GAP43: variants seen among roughly 807,000 people sequenced by gnomAD.
GAP43 encodes the protein growth associated protein 43.
In GAP43, 6 loss-of-function variants were observed where a neutral mutation model predicts 18.6. The ratio of observed to expected loss-of-function variants is 0.32; its 90% CI spans 0.18 to 0.64. The LOEUF is 0.64. Among genes scored for constraint, GAP43 ranks in the 30% least tolerant of loss-of-function variants. The pLI, the probability that GAP43 is intolerant of heterozygous loss-of-function variation, is 0.78. For synonymous variants in GAP43, 115 were observed against 111.4 expected, an observed-to-expected ratio of 1.03 and a Z score of -0.20; for missense variants, 292 against 295.5, an observed-to-expected ratio of 0.99 and a Z score of 0.09.
At chr3:115,699,868 C>G (rs1428187086) in intron 2 of GAP43, among the ~76,000 whole-genome samples, 1 of 152,078 alleles carries the variant, frequency 6.6e-6, no homozygotes, top group Admixed American at 6.6e-5. Flanking sequence ...GCTGATGGCA[C>G]TGGGTTGAGG....
At chr3:115,646,388 C>G (rs932653904) in intron 1 of GAP43, among the ~76,000 whole-genome samples, 1 of 152,066 alleles carries the variant, frequency 6.6e-6, no homozygotes, top group Admixed American at 6.6e-5. Flanking sequence ...CAGAAAGGCT[C>G]AATTAACCAG....
Position 115,720,799 on chromosome 3 carries a change from G to A in GAP43, c.634G>A (p.Val212Ile), listed in dbSNP as rs1709566814. ...TATCTTGTTTTCTTTCTCAGAAGCT[G>A]TAGATGAAACCAAACCTAAGGAAAG... ...SSQAEENIEA[V>I]DETKPKESAR... is the part of the protein sequence containing the mutation. The change falls in exon 3 of 3, where the codon GTA becomes ATA. Residue 212 changes from valine (V) to isoleucine (I), a missense_variant. By Grantham distance (29) the Val-to-Ile change is conservative. Coordinates refer to ENST00000305124, the MANE Select transcript of GAP43 (RefSeq NM_002045.4). The A allele has an allele frequency of 2.5e-6, 4 of 1,611,948 alleles. No homozygotes were observed. The highest frequency in any genetic ancestry group is 2.2e-5 in the East Asian group (1 of 44,820).
At chr3:115,706,180 CA>C (rs3836329) in intron 2 of GAP43, among the ~76,000 whole-genome samples, 67,905 of 151,810 alleles carry the variant, frequency 0.45, 15,786 homozygotes, top group African/African-American at 0.56. Context: ...AACTTTCTCA[CA>C]AAAAAAGCTG....
intron 2 of GAP43, among the ~76,000 whole-genome samples, chr3:115,712,941 G>A (rs1385576299): frequency 6.6e-6 from 1 of 152,114 alleles, no homozygotes; most frequent in Admixed American, 6.6e-5. Flanking sequence ...GAAGAAATGG[G>A]GGCAGAGATG....
At chr3:115,657,864 G>T (rs1708608009) in intron 1 of GAP43, among the ~76,000 whole-genome samples, 1 of 152,134 alleles carries the variant, frequency 6.6e-6, no homozygotes, top group African/African-American at 2.4e-5. Flanking sequence ...AGCCAAAAAT[G>T]TTTATTTTGA....
intron 2 of GAP43, among the ~76,000 whole-genome samples, chr3:115,716,656 A>C (rs1423169261): frequency 6.9e-6 from 1 of 145,354 alleles, no homozygotes; most frequent in African/African-American, 2.5e-5. Flanking sequence ...GCTTAAAACA[A>C]AGCAAATATT....
chr3:115,712,943 G>A lies in GAP43; in HGVS notation c.629-7851G>A, dbSNP rs189051236. Among the ~76,000 whole-genome samples the A allele has an allele frequency of 1.1e-3, 169 of 152,240 alleles. No individual in the cohort carries two copies. The Middle Eastern group carries it at 0.021, about 19-fold the overall frequency. On this transcript the variant is annotated intron_variant, in intron 2 of 2. Coordinates refer to ENST00000305124, the MANE Select transcript of GAP43 (RefSeq NM_002045.4). The stretch of plus-strand genomic sequence containing the variant: ...CTTGGAAAGTAAGGAAGAAATGGGG[G>A]CAGAGATGTTACTTGCATAATTCTC...
At chr3:115,687,466 T>C (rs1709049000) in intron 2 of GAP43, among the ~76,000 whole-genome samples, 1 of 152,202 alleles carries the variant, frequency 6.6e-6, no homozygotes, top group African/African-American at 2.4e-5. Flanking sequence ...TAATTTTAGT[T>C]CCACTGGTAT....
At chr3:115,688,532 C>G (rs1288423983) in intron 2 of GAP43, among the ~76,000 whole-genome samples, 1 of 152,178 alleles carries the variant, frequency 6.6e-6, no homozygotes, top group Non-Finnish European at 1.5e-5. Flanking sequence ...AAATCAGTCT[C>G]AAAAATTCTA....
At chr3:115,652,356 CTTTTTTTTTTTT>C (rs71141831) in intron 1 of GAP43, among the ~76,000 whole-genome samples, 10 of 43,770 alleles carry the variant, frequency 2.3e-4, no homozygotes, top group South Asian at 1.3e-3. Flanking sequence ...ATCCAGCATT[CTTTTTTTTTTTT>C]TTTTTTTTTT....
At chr3:115,704,440 G>A (rs1440675010) in intron 2 of GAP43, among the ~76,000 whole-genome samples, 1 of 151,982 alleles carries the variant, frequency 6.6e-6, no homozygotes, top group African/African-American at 2.4e-5. Flanking sequence ...TAATTTTAGA[G>A]GTCTCCACTT....
At chr3:115,685,218 C>T (rs1409650834) in intron 2 of GAP43, among the ~76,000 whole-genome samples, 1 of 152,124 alleles carries the variant, frequency 6.6e-6, no homozygotes, top group Non-Finnish European at 1.5e-5. Context: ...GAGCATTTTG[C>T]ATTATATTCA....
chr3:115,662,763 C>CACTTATGAG (rs1708680472), intron 1 of GAP43, among the ~76,000 whole-genome samples: 1 of 152,148 alleles, frequency 6.6e-6, no homozygotes, highest in South Asian at 2.1e-4. Flanking sequence ...CATGTGACAT[C>CACTTATGAG]ACTTATGAGA....
intron 2 of GAP43, among the ~76,000 whole-genome samples, chr3:115,678,096 T>C (rs569858090): frequency 1.7e-3 from 259 of 152,326 alleles, no homozygotes; most frequent in Non-Finnish European, 3.1e-3. Flanking sequence ...AATTTTTCCC[T>C]GGAAAAGGTA....
intron 2 of GAP43, among the ~76,000 whole-genome samples, chr3:115,713,222 A>C (rs757749219): frequency 6.6e-6 from 1 of 152,192 alleles, no homozygotes; most frequent in African/African-American, 2.4e-5. Context: ...GATGATGCTT[A>C]ATATTCAAGA....
At chr3:115,635,616 G>T (rs1249084090) in intron 1 of GAP43, among the ~76,000 whole-genome samples, 2 of 151,814 alleles carry the variant, frequency 1.3e-5, no homozygotes, top group Non-Finnish European at 2.9e-5. Context: ...GACCACAGAT[G>T]GCTCAGACCT....
At chr3:115,661,911 A>G (rs916999337) in intron 1 of GAP43, among the ~76,000 whole-genome samples, 3 of 142,196 alleles carry the variant, frequency 2.1e-5, no homozygotes, top group African/African-American at 7.9e-5. Flanking sequence ...GATAGGGACC[A>G]TTTCATGAAT....
chr3:115,716,602 A>G (rs1709504585), intron 2 of GAP43, among the ~76,000 whole-genome samples: 1 of 150,520 alleles, frequency 6.6e-6, no homozygotes, highest in Non-Finnish European at 1.5e-5. Context: ...CACTGCATCC[A>G]TTGACTTGAC....
At chr3:115,649,416 A>G (rs557956181) in intron 1 of GAP43, among the ~76,000 whole-genome samples, 1 of 152,284 alleles carries the variant, frequency 6.6e-6, no homozygotes, top group East Asian at 1.9e-4. Flanking sequence ...GAATGGAGAA[A>G]GAGAAATGAG....
Sources: allele counts gnomAD v4.1 joint callset (sites outside exome capture counted in the v4.1 genomes callset), GRCh38; gene constraint gnomAD v4.1.1; transcripts MANE v1.5; gene names NCBI Gene and HGNC (gene_info 2026-07-23, HGNC 2026-07-21).